The following CLSTN2 variants were observed in gnomAD, a reference collection of about 807,000 sequenced individuals.
CLSTN2 encodes calsyntenin-2.
A neutral mutation model predicts 101.2 loss-of-function variants in CLSTN2; 48 were observed. That is an observed-to-expected ratio of 0.47 (90% CI 0.38 to 0.60). The LOEUF is 0.60. Ranked by LOEUF, CLSTN2 falls within the 20% of genes least tolerant of loss-of-function variation. The probability of loss-of-function intolerance (pLI) is 0.00; values close to 1 mark genes in which losing one functional copy is unlikely to be tolerated. For synonymous variants in CLSTN2, 481 were observed against 463.6 expected, an observed-to-expected ratio of 1.04 and a Z score of -0.48; for missense variants, 1,160 against 1,238.2, an observed-to-expected ratio of 0.94 and a Z score of 0.95.
At chr3:140,197,447 G>A (rs2010660664) in intron 2 of CLSTN2, among the ~76,000 whole-genome samples, 1 of 152,074 alleles carries the variant, frequency 6.6e-6, no homozygotes, top group African/African-American at 2.4e-5. Flanking sequence ...GTTTGTACAG[G>A]TGGCATTATT....
chr3:140,193,787 T>A (rs1275590192), intron 2 of CLSTN2, among the ~76,000 whole-genome samples: 1 of 152,122 alleles, frequency 6.6e-6, no homozygotes, highest in African/African-American at 2.4e-5. Context: ...GAATATTTTG[T>A]TATAGTTCCA....
intron 1 of CLSTN2, among the ~76,000 whole-genome samples, chr3:140,173,546 G>C (rs1049492652): frequency 6.6e-6 from 1 of 152,198 alleles, no homozygotes; most frequent in African/African-American, 2.4e-5. Context: ...CTCTGTGTGG[G>C]GGCTCCGACC....
intron 1 of CLSTN2, among the ~76,000 whole-genome samples, chr3:140,155,991 G>T (rs1344215384): frequency 7.2e-5 from 11 of 151,976 alleles, no homozygotes; most frequent in Non-Finnish European, 1.2e-4. Flanking sequence ...TTTATTTCCA[G>T]CCCTCCTAGG....
chr3:140,171,841 AATAT>A (rs1559797434), intron 1 of CLSTN2, among the ~76,000 whole-genome samples: 1 of 91,956 alleles, frequency 1.1e-5, no homozygotes, highest in Non-Finnish European at 2.2e-5. Context: ...AACAATATAT[AATAT>A]AATATATATA....
intron 2 of CLSTN2, among the ~76,000 whole-genome samples, chr3:140,376,069 C>T (rs2087914229): frequency 6.6e-6 from 1 of 152,206 alleles, no homozygotes; most frequent in African/African-American, 2.4e-5. Flanking sequence ...ACTCTGGGGT[C>T]CCTCTCTGCT....
intron 8 of CLSTN2, among the ~76,000 whole-genome samples, chr3:140,527,960 TTGAG>T (rs1449522981): frequency 6.6e-6 from 1 of 152,108 alleles, no homozygotes; most frequent in Non-Finnish European, 1.5e-5. Context: ...AAACCACCTA[TTGAG>T]TATTATGCTT....
intron 1 of CLSTN2, among the ~76,000 whole-genome samples, chr3:140,064,975 T>C (rs9815234): frequency 0.016 from 2,421 of 152,324 alleles, 41 homozygotes; most frequent in Non-Finnish European, 0.026. Context: ...AGCTAAGATA[T>C]TGGAAAATCT....
intron 7 of CLSTN2, among the ~76,000 whole-genome samples, chr3:140,463,435 G>C (rs1933612337): frequency 6.6e-6 from 1 of 152,206 alleles, no homozygotes; most frequent in East Asian, 1.9e-4. Context: ...CTAGGAAAGG[G>C]ATGGGGGTAT....
chr3:140,441,378 G>A (rs1283551535), intron 5 of CLSTN2, among the ~76,000 whole-genome samples: 1 of 152,178 alleles, frequency 6.6e-6, no homozygotes, highest in Non-Finnish European at 1.5e-5. Context: ...ACCAAAATTT[G>A]GAAGCCTAAT....
At chr3:140,261,956 G>A (rs909806609) in intron 2 of CLSTN2, among the ~76,000 whole-genome samples, 2 of 152,072 alleles carry the variant, frequency 1.3e-5, no homozygotes, top group African/African-American at 2.4e-5. Context: ...TTAATACTGA[G>A]AATTATTTCA....
intron 1 of CLSTN2, among the ~76,000 whole-genome samples, chr3:140,106,120 G>A (rs1166246769): frequency 3.9e-5 from 6 of 152,070 alleles, no homozygotes; most frequent in Non-Finnish European, 5.9e-5. Flanking sequence ...ACTGGTCTTT[G>A]TTCTTCTCCT....
At chr3:140,265,827 A>G (rs372491760) in intron 2 of CLSTN2, among the ~76,000 whole-genome samples, 1 of 152,154 alleles carries the variant, frequency 6.6e-6, no homozygotes, top group East Asian at 1.9e-4. Context: ...GCCTAGAAAA[A>G]CTAGGCAGAT....
chr3:140,496,442 T>C (rs1559886438), intron 8 of CLSTN2, among the ~76,000 whole-genome samples: 1 of 152,208 alleles, frequency 6.6e-6, no homozygotes, highest in Non-Finnish European at 1.5e-5. Flanking sequence ...TCTTTCTATT[T>C]GAATACGTTT....
chr3:140,461,978 G>A (rs573706935), intron 7 of CLSTN2, among the ~76,000 whole-genome samples: 1 of 96,104 alleles, frequency 1.0e-5, no homozygotes, highest in Non-Finnish European at 2.3e-5. Flanking sequence ...CTTGATTATG[G>A]CTTTTTTACA....
intron 1 of CLSTN2, among the ~76,000 whole-genome samples, chr3:140,047,019 A>AG (rs1249498853): frequency 5.3e-5 from 8 of 152,334 alleles, no homozygotes; most frequent in Non-Finnish European, 1.2e-4. Flanking sequence ...AATAAAATGA[A>AG]GAAAAAGTCA....
At chr3:140,240,273 C>T (rs867051155) in intron 2 of CLSTN2, among the ~76,000 whole-genome samples, 1 of 72,610 alleles carries the variant, frequency 1.4e-5, no homozygotes, top group African/African-American at 4.3e-5. Context: ...CACATATATA[C>T]ACATATATAC....
intron 2 of CLSTN2, among the ~76,000 whole-genome samples, chr3:140,197,271 C>T (rs772657878): frequency 6.6e-6 from 1 of 152,136 alleles, no homozygotes; most frequent in Non-Finnish European, 1.5e-5. Context: ...ACAGCCTGGA[C>T]CCTGATGTCA....
intron 1 of CLSTN2, among the ~76,000 whole-genome samples, chr3:140,138,338 TG>T (rs1299982377): frequency 6.6e-6 from 1 of 152,226 alleles, no homozygotes; most frequent in Non-Finnish European, 1.5e-5. Context: ...GATCTTTTTC[TG>T]TGTCTGTTTA....
intron 2 of CLSTN2, among the ~76,000 whole-genome samples, chr3:140,340,720 A>T (rs2087484054): frequency 6.6e-6 from 1 of 152,166 alleles, no homozygotes; most frequent in Non-Finnish European, 1.5e-5. Context: ...CCTCATTCAG[A>T]TTTCCTAACT....
Sources: gnomAD v4.1 joint callset for allele counts (sites outside exome capture counted in the v4.1 genomes callset) on GRCh38, gnomAD v4.1.1 for gene constraint, MANE v1.5 for transcripts, NCBI Gene and HGNC (gene_info 2026-07-23, HGNC 2026-07-21) for gene names.